Variants in COL5A2 observed in about 807,000 individuals in gnomAD.
COL5A2 encodes collagen alpha-2(V) chain.
Under a neutral mutation model 208.2 loss-of-function variants are expected in COL5A2, and 23 were observed. The observed-to-expected ratio is 0.11, with a 90% CI of 0.08 to 0.16. The LOEUF is 0.16. Among genes scored for constraint, COL5A2 ranks in the 10% least tolerant of loss-of-function variants. The pLI is 1.00. For synonymous variants in COL5A2, 625 were observed against 628.5 expected, an observed-to-expected ratio of 0.99 and a Z score of 0.08; for missense variants, 1,590 against 1,956.4, an observed-to-expected ratio of 0.81 and a Z score of 3.53.
At chr2:189,113,054 T>C (rs1414834429) in intron 1 of COL5A2, among the ~76,000 whole-genome samples, 1 of 152,212 alleles carries the variant, frequency 6.6e-6, no homozygotes, top group Non-Finnish European at 1.5e-5. Flanking sequence ...TTCAATTAGC[T>C]TGTTTCTCTC....
At position 189,045,882 on chromosome 2, in the gene COL5A2, G is replaced by T; in HGVS notation, c.3227C>A (p.Ala1076Glu). The T allele has an allele frequency of 6.2e-7, 1 of 1,614,088 alleles. No homozygotes were observed. Among genetic ancestry groups the T allele is most frequent in the Non-Finnish European group, 8.5e-7 (1 of 1,179,972 alleles). Residue 1076 changes from alanine (A) to glutamate (E), a missense_variant, in exon 46 of 54, where the codon GCA (alanine) becomes GAA (glutamate). Coordinates refer to ENST00000374866, the MANE Select transcript of COL5A2 (RefSeq NM_000393.5). ...GGCACCCTGAGAGCCTGGCAGACCT[G>T]CAGGCCCAGGGTCTCCACGATCACC... ...ERGDRGDPGP[A>E]GLPGSQGAPG...
chr2:189,111,517 A>G (rs568114239), intron 1 of COL5A2, among the ~76,000 whole-genome samples: 23 of 152,204 alleles, frequency 1.5e-4, no homozygotes, highest in African/African-American at 5.5e-4. Context: ...CCAGGCCCAC[A>G]TGGCTATCTA....
At chr2:189,289,338 CT>C in the COL5A2 span, among the ~76,000 whole-genome samples, 1 of 150,794 alleles carries the variant, frequency 6.6e-6, no homozygotes, top group Admixed American at 6.6e-5. Flanking sequence ...AAGACTCTAT[CT>C]AAAAAAAAAG....
At chr2:189,326,096 CAAAAAAA>C in the COL5A2 span, among the ~76,000 whole-genome samples, 1 of 96,852 alleles carries the variant, frequency 1.0e-5, no homozygotes, top group South Asian at 3.4e-4. Context: ...GACCCTGTCT[CAAAAAAA>C]AAAAAAAAAA....
In COL5A2 at chr2:189,088,825, G is replaced by A. The variant is rs58243388; in HGVS notation, c.568-53C>T. On this transcript the variant is annotated intron_variant, in intron 7 of 53. Transcript: ENST00000374866. ...TCTACAGTAAAAGACATACATCAAC[G>A]TCCTTTTCATATGGATAAATGTACA... 177,808 of 1,339,924 alleles carry A rather than the reference G, an allele frequency of 0.13. 12,567 individuals are homozygous for A. Among genetic ancestry groups the A allele is most frequent in the Middle Eastern group, 0.24 (1,315 of 5,562 alleles). 83.0% of individuals were successfully genotyped at this position (1,339,924 alleles called of 1,614,324 possible).
intron 3 of COL5A2, among the ~76,000 whole-genome samples, chr2:189,103,816 G>C (rs1371901422): frequency 1.3e-5 from 2 of 151,950 alleles, no homozygotes; most frequent in Non-Finnish European, 2.9e-5. Context: ...AATGAGAGAG[G>C]GGCTACAGGC....
the COL5A2 span, among the ~76,000 whole-genome samples, chr2:189,277,206 T>C: frequency 2.0e-5 from 3 of 152,156 alleles, no homozygotes; most frequent in Non-Finnish European, 4.4e-5. Context: ...TAATTATTAA[T>C]AGCATTAATA....
intron 45 of COL5A2, among the ~76,000 whole-genome samples, chr2:189,047,569 A>C (rs1685696831): frequency 1.3e-5 from 2 of 152,342 alleles, no homozygotes; most frequent in South Asian, 4.1e-4. Context: ...CTAATTACTT[A>C]GGGAAACAAT....
rs1035102883 is a variant in COL5A2 at position 189,032,859 on chromosome 2, T to C, written c.*1211A>G. 6.6e-6 allele frequency: 1 copy of C among 152,626 alleles called. No homozygotes were observed. The highest frequency in any genetic ancestry group is 1.5e-5 in the Non-Finnish European group (1 of 68,016). The allele number at this position is 152,626 out of a possible 1,614,324, so 9.5% of individuals were successfully genotyped here. On this transcript the variant is annotated 3_prime_UTR_variant, in exon 54 of 54. Coordinates refer to ENST00000374866, the MANE Select transcript of COL5A2 (RefSeq NM_000393.5). ...AACCATCTTTATTTTTAAGGAATTT[T>C]ATAGGAAGAATTTTAGCACCATCAT...
the COL5A2 span, among the ~76,000 whole-genome samples, chr2:189,396,450 A>ATCACCCAG: frequency 2.1e-5 from 3 of 140,126 alleles, no homozygotes; most frequent in East Asian, 2.2e-4. Context: ...GAGGCGGGTG[A>ATCACCCAG]ATCACGAGGT....
At chr2:189,347,760 T>A in the COL5A2 span, among the ~76,000 whole-genome samples, 1 of 152,206 alleles carries the variant, frequency 6.6e-6, no homozygotes, top group Non-Finnish European at 1.5e-5. Context: ...TCATCTGTGC[T>A]ATTAGAAGAT....
At chr2:189,043,399 C>T (rs1685600092) in intron 47 of COL5A2, 141 bp from the exon 48 acceptor site, 1 of 581,168 alleles carries the variant, frequency 1.7e-6, no homozygotes, top group South Asian at 2.4e-5. Context: ...ATTTACTTAT[C>T]TAAAAATAGT....
chr2:189,438,996 T>C, the COL5A2 span, among the ~76,000 whole-genome samples: 1 of 152,148 alleles, frequency 6.6e-6, no homozygotes, highest in Non-Finnish European at 1.5e-5. Flanking sequence ...TGACTTATCT[T>C]GAACATGGAA....
At chr2:189,404,116 C>G in the COL5A2 span, among the ~76,000 whole-genome samples, 29 of 152,168 alleles carry the variant, frequency 1.9e-4, no homozygotes, top group African/African-American at 6.8e-4. Context: ...AACATGATCA[C>G]ATGAGTGATA....
chr2:189,107,700 C>T (rs973009646), intron 2 of COL5A2, among the ~76,000 whole-genome samples: 2 of 149,286 alleles, frequency 1.3e-5, no homozygotes, highest in African/African-American at 4.9e-5. Flanking sequence ...AAATGTTTCA[C>T]TGTGTTTTCA....
chr2:189,400,155 CAT>C, the COL5A2 span, among the ~76,000 whole-genome samples: 1 of 152,070 alleles, frequency 6.6e-6, no homozygotes, highest in Non-Finnish European at 1.5e-5. Context: ...TATTTGCCTA[CAT>C]ATGTTTTTCT....
intron 1 of COL5A2, among the ~76,000 whole-genome samples, chr2:189,165,228 G>T (rs1395945313): frequency 2.0e-5 from 3 of 152,136 alleles, no homozygotes; most frequent in Non-Finnish European, 2.9e-5. Flanking sequence ...GGTTTTGCTG[G>T]TTTGCTTTTC....
intron 49 of COL5A2, among the ~76,000 whole-genome samples, chr2:189,042,277 T>C (rs1461472285): frequency 6.6e-6 from 1 of 152,206 alleles, no homozygotes; most frequent in Non-Finnish European, 1.5e-5. Flanking sequence ...GCTTCAAATA[T>C]TGGCTTCATT....
the COL5A2 span, among the ~76,000 whole-genome samples, chr2:189,374,300 T>TA: frequency 2.0e-5 from 3 of 151,862 alleles, no homozygotes; most frequent in African/African-American, 7.3e-5. Flanking sequence ...TTTCAAAGGT[T>TA]AGATATCCTT....
Sources: allele counts gnomAD v4.1 joint callset (sites outside exome capture counted in the v4.1 genomes callset), GRCh38; gene constraint gnomAD v4.1.1; transcripts MANE v1.5; gene names NCBI Gene and HGNC (gene_info 2026-07-23, HGNC 2026-07-21).